The following PIEZO2 variants were observed in gnomAD, a reference collection of about 807,000 sequenced individuals.
PIEZO2 encodes piezo type mechanosensitive ion channel component 2, also known as piezo-type mechanosensitive ion channel component 2.
In PIEZO2, 172 loss-of-function variants were observed where a neutral mutation model predicts 337.3. The ratio of observed to expected loss-of-function variants is 0.51; its 90% CI spans 0.45 to 0.58. PIEZO2 has a LOEUF of 0.58. Ranked by LOEUF, PIEZO2 falls within the 20% of genes least tolerant of loss-of-function variation. PIEZO2 has a pLI of 0.00. For missense variants in PIEZO2, 3,028 were observed against 3,391.3 expected (o/e 0.89, Z 2.66); for synonymous variants, 1,251 against 1,228.5 (o/e 1.02, Z -0.38).
At chr18:10,891,192 T>C (rs2144933060) in intron 4 of PIEZO2, among the ~76,000 whole-genome samples, 3 of 152,146 alleles carry the variant, frequency 2.0e-5, no homozygotes, top group Non-Finnish European at 4.4e-5. Context: ...GGTGTGGTGG[T>C]GCGCACCTGT....
At position 10,767,878 on chromosome 18, in the gene PIEZO2, G is replaced by A. The variant is rs1257832747; in HGVS notation, c.2946+2270C>T. Reference sequence around the variant, plus strand: ...AGTGGCTGTGGGATGCCCCACCGTGGAGCCTCCAGGAGGGCAAGGGCAGGT... The same window carrying A: ...AGTGGCTGTGGGATGCCCCACCGTGAAGCCTCCAGGAGGGCAAGGGCAGGT... On this transcript the variant is annotated intron_variant, in intron 21 of 55. Transcript: ENST00000674853. This position sits in a 1 kb window ranked among gnomAD's most constrained non-coding sequence, Gnocchi z 4.2. Among the ~76,000 whole-genome samples, 2 of 152,158 alleles carry A rather than the reference G, an allele frequency of 1.3e-5. No homozygotes were observed. Among genetic ancestry groups the A allele is most frequent in the Non-Finnish European group, 2.9e-5 (2 of 68,016 alleles).
chr18:10,790,377 C>T (rs2039367714), intron 14 of PIEZO2, among the ~76,000 whole-genome samples: 1 of 152,180 alleles, frequency 6.6e-6, no homozygotes, highest in Non-Finnish European at 1.5e-5. Context: ...ACAGACAGTG[C>T]TTCTTAACCT....
At chr18:10,695,991 G>A (rs2035063139) in intron 47 of PIEZO2, 83 bp downstream of exon 47, 2 of 1,325,498 alleles carry the variant, frequency 1.5e-6, no homozygotes, top group Non-Finnish European at 2.2e-6. Context: ...CAGCAGTTCT[G>A]CTGTGCAATG....
chr18:10,922,063 C>T lies in PIEZO2; in HGVS notation c.287-10835G>A, dbSNP rs538881410. Among the ~76,000 whole-genome samples the T allele has an allele frequency of 3.5e-4, 54 of 152,256 alleles. 1 individual carries two copies. The highest frequency in any genetic ancestry group is 1.1e-3 in the African/African-American group (46 of 41,560). ...CCCCGGTCCTGTGGTCCTGTGATCT[C>T]GCCCTGCCTCCGTTTGCCTTGTGAT... On this transcript the variant is annotated intron_variant, in intron 3 of 55. Transcript: ENST00000674853.
chr18:11,009,083 G>A lies in PIEZO2; in HGVS notation c.161-29423C>T, dbSNP rs1328679275. Among the ~76,000 whole-genome samples, 2 of 152,186 alleles carry A rather than the reference G, an allele frequency of 1.3e-5. No homozygotes were observed. Among genetic ancestry groups the A allele is most frequent in the Non-Finnish European group, 2.9e-5 (2 of 68,034 alleles). ...GTTACTTAACTACGTACGTGATTGT[G>A]TTCAAATCCTTCAGAATCTCTGTGA... On this transcript the variant is annotated intron_variant, in intron 2 of 55. Transcript: ENST00000674853. The surrounding 1 kb of genome is among the most constrained non-coding windows in gnomAD (Gnocchi z 4.6).
intron 34 of PIEZO2, among the ~76,000 whole-genome samples, chr18:10,735,754 T>A (rs952940329): frequency 2.0e-5 from 3 of 152,106 alleles, no homozygotes; most frequent in Admixed American, 2.0e-4. Context: ...TTTTTCTATG[T>A]CACTGGGAAA....
chr18:10,999,383 G>A lies in PIEZO2; in HGVS notation c.161-19723C>T, dbSNP rs539065351. Among the ~76,000 whole-genome samples, 11 of 152,218 alleles carry A rather than the reference G, an allele frequency of 7.2e-5. No individual in the cohort carries two copies. The East Asian group carries it at 2.1e-3, about 29-fold the overall frequency. On this transcript the variant is annotated intron_variant, in intron 2 of 55. Transcript: ENST00000674853. ...TCCATATCTGTGGACTCCATATCCA[G>A]TAGATTCAACCAACCATGGATGAAA... is the stretch of plus-strand genomic sequence containing the variant.
rs184525296 is a variant in PIEZO2, at chr18:10,698,999, A to C, written c.6620T>G (p.Val2207Gly). The C allele has an allele frequency of 2.6e-6, 4 of 1,536,968 alleles. No individual in the cohort carries two copies. Among genetic ancestry groups the C allele is most frequent in the Non-Finnish European group, 3.5e-6 (4 of 1,146,884 alleles). Residue 2207 changes from valine (V) to glycine (G), a missense_variant, in exon 44 of 56, where the codon GTC becomes GGC. Val to Gly is a moderately radical substitution (Grantham distance 109). Around this residue, in one of 5 missense-constraint regions of PIEZO2, gnomAD observed 1,925 missense variants for 2,051.9 expected, o/e 0.94. Coordinates refer to ENST00000674853, the MANE Select transcript of PIEZO2 (RefSeq NM_001378183.1). Reference sequence around the variant, plus strand: ...GCTGCTGCCGGAGCGCTTCCTCCGGACAGCTGTCTGCTGCTCCGGGAAGGT... The same window carrying C: ...GCTGCTGCCGGAGCGCTTCCTCCGGCCAGCTGTCTGCTGCTCCGGGAAGGT... The part of the protein sequence containing the change: ...HVTFPEQQTA[V>G]RRKRSGSSSE...
chr18:11,148,488 C>T lies in PIEZO2; in HGVS notation c.64+37G>A, dbSNP rs951063684. 11 of 1,535,424 alleles carry T rather than the reference C, an allele frequency of 7.2e-6. No homozygotes were observed. The highest frequency in any genetic ancestry group is 9.6e-6 in the Non-Finnish European group (11 of 1,145,444). ...TCCCCCACCCAGGCGCCCCCCTCGT[C>T]CTCCTCAAGTGCCCTCGGAAAGCGG... On this transcript the variant is annotated intron_variant, in intron 1 of 55. Transcript: ENST00000674853. This position sits in a 1 kb window ranked among gnomAD's most constrained non-coding sequence, Gnocchi z 5.2.
At chr18:10,904,601 T>C (rs1315623263) in intron 4 of PIEZO2, among the ~76,000 whole-genome samples, 2 of 152,200 alleles carry the variant, frequency 1.3e-5, no homozygotes, top group South Asian at 2.1e-4. Context: ...GAGCAAATGC[T>C]TCAAGAGCCA....
Position 10,819,575 on chromosome 18 carries a change from A to G in PIEZO2, c.918-12301T>C, listed in dbSNP as rs1287923979. ...CTTAACAAAAAATCCAAAGATGAGC[A>G]GTTCCAGGTTAGCTAATTCAATGCA... On this transcript the variant is annotated intron_variant, in intron 7 of 55. Coordinates refer to ENST00000674853, the MANE Select transcript of PIEZO2 (RefSeq NM_001378183.1). The surrounding 1 kb of genome is among the most constrained non-coding windows in gnomAD (Gnocchi z 4.3). Among the ~76,000 whole-genome samples, 1 of 152,216 alleles carries G rather than the reference A, an allele frequency of 6.6e-6. No individual in the cohort carries two copies. The highest frequency in any genetic ancestry group is 2.4e-5 in the African/African-American group (1 of 41,464).
Position 10,789,310 on chromosome 18 carries a change from C to CT in PIEZO2, c.1937dup (p.Glu647GlyfsTer18). 6.5e-7 allele frequency: 1 copy of CT among 1,537,270 alleles called. No homozygotes were observed. The highest frequency in any genetic ancestry group is 2.4e-5 in the East Asian group (1 of 40,898). On this transcript the variant is annotated frameshift_variant, in exon 15 of 56. Coordinates refer to ENST00000674853, the MANE Select transcript of PIEZO2 (RefSeq NM_001378183.1). LOFTEE classifies it high-confidence loss of function. ...TCTCTTGCTTCTCTTCCTTCGCTTCCTCTTCTTCCTCCTCTTTGGGCTCTC... is the reference window on the plus strand; with the variant it reads ...TCTCTTGCTTCTCTTCCTTCGCTTCCTTCTTCTTCCTCCTCTTTGGGCTCTC...
At chr18:10,916,504 C>G (rs2145107026) in intron 3 of PIEZO2, among the ~76,000 whole-genome samples, 1 of 152,292 alleles carries the variant, frequency 6.6e-6, no homozygotes, top group South Asian at 2.1e-4. Flanking sequence ...GACCCAGTTC[C>G]CCCTCCACAC....
At chr18:10,857,328 A>G in intron 5 of PIEZO2, 117 bp from the exon 6 acceptor site, 2 of 843,618 alleles carry the variant, frequency 2.4e-6, no homozygotes, top group Non-Finnish European at 3.7e-6. Context: ...AGATCAGGAA[A>G]AAAGGGAAGA....
intron 3 of PIEZO2, among the ~76,000 whole-genome samples, chr18:10,936,023 A>G (rs2032372187): frequency 6.6e-6 from 1 of 152,222 alleles, no homozygotes; most frequent in Non-Finnish European, 1.5e-5. Flanking sequence ...ACAGGGTCAC[A>G]GGTTGGTATC....
chr18:10,684,458 C>G (rs1419006451), intron 49 of PIEZO2, among the ~76,000 whole-genome samples: 9 of 70,388 alleles, frequency 1.3e-4, no homozygotes, highest in African/African-American at 4.8e-4. Flanking sequence ...AACCACTGCG[C>G]CCGGCCTGTT....
intron 18 of PIEZO2, among the ~76,000 whole-genome samples, chr18:10,777,360 G>C (rs1008996285): frequency 4.6e-5 from 7 of 152,146 alleles, no homozygotes; most frequent in African/African-American, 1.7e-4. Flanking sequence ...TTCTCCATTT[G>C]TGACTCTGTC....
chr18:10,848,560 G>T (rs1278370273), intron 7 of PIEZO2, among the ~76,000 whole-genome samples: 1 of 152,154 alleles, frequency 6.6e-6, no homozygotes, highest in Admixed American at 6.5e-5. Context: ...TAGAGAATGG[G>T]CTGAGAATCT....
chr18:11,055,800 G>A (rs540768306), intron 2 of PIEZO2, among the ~76,000 whole-genome samples: 1 of 152,172 alleles, frequency 6.6e-6, no homozygotes, highest in Non-Finnish European at 1.5e-5. Context: ...AGCCGCGCTG[G>A]GCCTGGGCTG....
Sources: allele counts gnomAD v4.1 joint callset (sites outside exome capture counted in the v4.1 genomes callset), GRCh38; gene constraint gnomAD v4.1.1; regional missense constraint gnomAD v4.1.1; non-coding constraint Gnocchi (gnomAD v3.1); transcripts MANE v1.5; gene names NCBI Gene and HGNC (gene_info 2026-07-23, HGNC 2026-07-21).